The following KCNT2 variants were observed in gnomAD, a reference collection of about 807,000 sequenced individuals.
KCNT2 encodes potassium sodium-activated channel subfamily T member 2, also known as potassium channel subfamily T member 2.
In KCNT2, 67 loss-of-function variants were observed where a neutral mutation model predicts 153.8. The ratio of observed to expected loss-of-function variants is 0.44; its 90% CI spans 0.36 to 0.53. KCNT2 has a LOEUF of 0.53. Ranked by LOEUF, KCNT2 falls within the 20% of genes least tolerant of loss-of-function variation. KCNT2 has a pLI of 0.00. For missense variants in KCNT2, 975 were observed against 1,354.8 expected, an observed-to-expected ratio of 0.72 and a Z score of 4.40; for synonymous variants, 500 against 458.8, an observed-to-expected ratio of 1.09 and a Z score of -1.15.
chr1:196,363,953 TAC>T (rs1667832715), intron 14 of KCNT2, among the ~76,000 whole-genome samples: 1 of 152,144 alleles, frequency 6.6e-6, no homozygotes, highest in Non-Finnish European at 1.5e-5. Context: ...TTTGTTTATA[TAC>T]ATTGAAAATC....
At chr1:196,514,990 A>G (rs1211624626) in intron 1 of KCNT2, among the ~76,000 whole-genome samples, 1 of 152,204 alleles carries the variant, frequency 6.6e-6, no homozygotes, top group Non-Finnish European at 1.5e-5. Flanking sequence ...TGAGTTCTAG[A>G]CATTCTAGAC....
chr1:196,321,392 C>T (rs1255231617), intron 19 of KCNT2, among the ~76,000 whole-genome samples: 1 of 151,900 alleles, frequency 6.6e-6, no homozygotes, highest in Non-Finnish European at 1.5e-5. Flanking sequence ...TTTATGCCAA[C>T]CCTTCTACTA....
chr1:196,557,743 A>C (rs1432300715), intron 1 of KCNT2, among the ~76,000 whole-genome samples: 1 of 151,448 alleles, frequency 6.6e-6, no homozygotes, highest in East Asian at 1.9e-4. Flanking sequence ...AAATTAAAAA[A>C]AACTTCAATT....
rs766000119 is a variant in KCNT2, at chr1:196,429,565, G to A, written c.819+12C>T. The stretch of plus-strand genomic sequence containing the variant: ...TGTACATTTCTATGCAATATAAGAT[G>A]GTTTTGTTTACCTGTATGGGTAGAA... On this transcript the variant is annotated intron_variant, in intron 9 of 27. Transcript: ENST00000294725. 1.7e-5 allele frequency: 26 copies of A among 1,572,262 alleles called. No homozygotes were observed. The highest frequency in any genetic ancestry group is 1.6e-4 in the East Asian group (7 of 44,430).
At chr1:196,527,157 T>C (rs1480283941) in intron 1 of KCNT2, among the ~76,000 whole-genome samples, 2 of 152,220 alleles carry the variant, frequency 1.3e-5, no homozygotes, top group African/African-American at 2.4e-5. Flanking sequence ...AACCAGTCAC[T>C]GGTGCCAAAA....
At chr1:196,547,177 T>C (rs765961299) in intron 1 of KCNT2, among the ~76,000 whole-genome samples, 51 of 152,098 alleles carry the variant, frequency 3.4e-4, no homozygotes, top group Non-Finnish European at 5.3e-4. Flanking sequence ...AATTAAATAT[T>C]TGAATTTAAG....
At position 196,494,149 on chromosome 1, in the gene KCNT2, G is replaced by A. The variant is rs1324409405; in HGVS notation, c.96-1808C>T. Among the ~76,000 whole-genome samples the A allele has an allele frequency of 2.0e-5, 3 of 152,166 alleles. No individual in the cohort carries two copies. In the East Asian group the frequency reaches 5.8e-4, roughly 29 times the overall value. Reference sequence around the variant, plus strand: ...GTGTCTTGGAAATGCATTATTGGACGTGTTTCCCTTGTTTATCAAATGAAA... The same window carrying A: ...GTGTCTTGGAAATGCATTATTGGACATGTTTCCCTTGTTTATCAAATGAAA... On this transcript the variant is annotated intron_variant, in intron 1 of 27. Coordinates refer to ENST00000294725, the MANE Select transcript of KCNT2 (RefSeq NM_198503.5).
chr1:196,316,074 T>C (rs1662685999), intron 20 of KCNT2, 48 bp from the exon 21 acceptor site: 3 of 1,568,304 alleles, frequency 1.9e-6, no homozygotes, highest in Non-Finnish European at 2.6e-6. Flanking sequence ...TAAATCACAA[T>C]GTTATAATCA....
At chr1:196,333,796 G>T in intron 17 of KCNT2, 51 bp downstream of exon 17, 1 of 1,081,836 alleles carries the variant, frequency 9.2e-7, no homozygotes, top group Non-Finnish European at 1.4e-6. Flanking sequence ...AATACTTAAG[G>T]ACATTAGCAC....
chr1:196,423,378 T>C (rs1572398185), intron 11 of KCNT2, among the ~76,000 whole-genome samples: 1 of 151,906 alleles, frequency 6.6e-6, no homozygotes, highest in South Asian at 2.1e-4. Flanking sequence ...TTTCTTTGTA[T>C]GATTAAATAT....
chr1:196,381,784 C>G (rs534954263), intron 13 of KCNT2, among the ~76,000 whole-genome samples: 1 of 152,274 alleles, frequency 6.6e-6, no homozygotes, highest in East Asian at 1.9e-4. Context: ...AACCACCAAG[C>G]TCCCCGAACA....
chr1:196,375,605 T>A (rs577667300), intron 13 of KCNT2, among the ~76,000 whole-genome samples: 1 of 151,756 alleles, frequency 6.6e-6, no homozygotes, highest in Non-Finnish European at 1.5e-5. Context: ...TAAAAAAACA[T>A]GCTTTTTATT....
intron 1 of KCNT2, among the ~76,000 whole-genome samples, chr1:196,566,992 A>G (rs986472370): frequency 6.6e-6 from 1 of 152,150 alleles, no homozygotes; most frequent in African/African-American, 2.4e-5. Context: ...TATAAACTCA[A>G]ATATGTACTA....
intron 26 of KCNT2, among the ~76,000 whole-genome samples, chr1:196,246,699 T>A (rs1003312789): frequency 6.6e-6 from 1 of 152,148 alleles, no homozygotes; most frequent in African/African-American, 2.4e-5. Context: ...AGTGTTATGT[T>A]GTCATCAGTT....
At position 196,500,308 on chromosome 1, in the gene KCNT2, G is replaced by C. The variant is rs1399424896; in HGVS notation, c.96-7967C>G. Among the ~76,000 whole-genome samples, 3 of 108,626 alleles carry C rather than the reference G, an allele frequency of 2.8e-5. 1 individual carries two copies. The highest frequency in any genetic ancestry group is 1.9e-4 in the Admixed American group (2 of 10,444). 71.3% of individuals were successfully genotyped at this position (108,626 alleles called of 152,430 possible). On this transcript the variant is annotated intron_variant, in intron 1 of 27. Coordinates refer to ENST00000294725, the MANE Select transcript of KCNT2 (RefSeq NM_198503.5). ...AGGGAGGGAGGGAGGGAGGGAGGGA[G>C]GGAGGGAGGGAGGGAAAGAAAGAAA...
intron 20 of KCNT2, among the ~76,000 whole-genome samples, chr1:196,316,951 G>A (rs1662786351): frequency 6.6e-6 from 1 of 151,692 alleles, no homozygotes; most frequent in Non-Finnish European, 1.5e-5. Context: ...AGAAAAGATA[G>A]GTTAATTGAT....
At chr1:196,316,755 T>C (rs1458553880) in intron 20 of KCNT2, among the ~76,000 whole-genome samples, 2 of 151,792 alleles carry the variant, frequency 1.3e-5, no homozygotes, top group Non-Finnish European at 1.5e-5. Flanking sequence ...AAAAAAATCT[T>C]ACCTATCATT....
At position 196,340,387 on chromosome 1, in the gene KCNT2, A is replaced by G. The variant is rs761783173; in HGVS notation, c.1737T>C (p.Tyr579=). The G allele has an allele frequency of 6.2e-7, 1 of 1,612,486 alleles. No individual in the cohort carries two copies. Among genetic ancestry groups the G allele is most frequent in the Non-Finnish European group, 8.5e-7 (1 of 1,179,084 alleles). The change falls in exon 16 of 28, where the codon TAT becomes TAC. Residue 579 remains tyrosine (Y), a synonymous_variant. Transcript: ENST00000294725. ...GTACAGGTAATCTGGAAGGTCCATGATAAAACGACCTGGACACATTGCTTT... is the reference window on the plus strand; with the variant it reads ...GTACAGGTAATCTGGAAGGTCCATGGTAAAACGACCTGGACACATTGCTTT... The part of the protein sequence containing the change: ...QRKSNVSRSF[Y]HGPSRLPVHS...
chr1:196,456,191 A>G (rs1259134829), intron 8 of KCNT2, among the ~76,000 whole-genome samples: 10 of 152,006 alleles, frequency 6.6e-5, no homozygotes, highest in Non-Finnish European at 4.4e-5. Context: ...TGTCTTAAGC[A>G]GACTTCCTCC....
Sources: allele counts gnomAD v4.1 joint callset (sites outside exome capture counted in the v4.1 genomes callset), GRCh38; gene constraint gnomAD v4.1.1; transcripts MANE v1.5; gene names NCBI Gene and HGNC (gene_info 2026-07-23, HGNC 2026-07-21).